PDE10A: variants seen among roughly 807,000 people sequenced by gnomAD.
PDE10A encodes cAMP and cAMP-inhibited cGMP 3',5'-cyclic phosphodiesterase 10A.
A neutral mutation model predicts 97.7 loss-of-function variants in PDE10A; 39 were observed. The observed-to-expected ratio is 0.40, with a 90% CI of 0.31 to 0.52. PDE10A has a LOEUF of 0.52. PDE10A is among the 20% of genes least tolerant of loss of function. The pLI is 0.56. For missense variants in PDE10A, 731 were observed against 1,047.8 expected (o/e 0.70, Z 4.17); for synonymous variants, 371 against 376.8 (o/e 0.98, Z 0.18).
At chr6:165,804,844 T>G (rs372460782) in intron 1 of PDE10A, among the ~76,000 whole-genome samples, 1 of 150,676 alleles carries the variant, frequency 6.6e-6, no homozygotes, top group East Asian at 2.0e-4. Flanking sequence ...CAGCTGCAGC[T>G]CCGAAGCTCC....
At position 165,653,953 on chromosome 6, in the gene PDE10A, G is replaced by A. The variant is rs561825747; in HGVS notation, c.865+7994C>T. ...CCTGACTTCTGGCTGCGCATCTTGA[G>A]CCTGGCGCCTCTGTCCAGGCTCTCT... On this transcript the variant is annotated intron_variant, in intron 1 of 21. Coordinates refer to ENST00000539869, the MANE Select transcript of PDE10A (RefSeq NM_001385079.1). Among the ~76,000 whole-genome samples the A allele has an allele frequency of 7.7e-4, 117 of 152,206 alleles. 1 individual carries two copies. The highest frequency in any genetic ancestry group is 2.0e-3 in the Admixed American group (31 of 15,300).
chr6:165,565,494 C>A (rs1266979891), intron 1 of PDE10A, among the ~76,000 whole-genome samples: 3 of 152,032 alleles, frequency 2.0e-5, no homozygotes, highest in African/African-American at 7.3e-5. Context: ...GATAGGAAGA[C>A]TCAATATTGT....
chr6:165,514,720 G>A (rs538343926), intron 2 of PDE10A, among the ~76,000 whole-genome samples: 3 of 152,356 alleles, frequency 2.0e-5, no homozygotes, highest in African/African-American at 7.2e-5. Flanking sequence ...TGCAACTGCA[G>A]AAGAGAAGCT....
chr6:165,388,172 T>C lies in PDE10A; in HGVS notation c.2610+126A>G. 1 of 748,786 alleles carries C rather than the reference T, an allele frequency of 1.3e-6. No individual in the cohort carries two copies. 46.4% of individuals were successfully genotyped at this position (748,786 alleles called of 1,614,324 possible). ...TTTAATGATGACTATAAATATAAGG[T>C]TCTACAATAAAAAGTAGCTGTTGCT... is the stretch of plus-strand genomic sequence containing the variant. On this transcript the variant is annotated intron_variant, in intron 17 of 21. Transcript: ENST00000539869. The surrounding 1 kb of genome is among the most constrained non-coding windows in gnomAD (Gnocchi z 4.0).
chr6:165,475,300 T>C (rs531266711), intron 3 of PDE10A, among the ~76,000 whole-genome samples: 27 of 152,268 alleles, frequency 1.8e-4, no homozygotes, highest in Non-Finnish European at 3.1e-4. Context: ...ATTTCTTAAA[T>C]GCATTAACAG....
At chr6:165,659,822 C>G (rs1246038624) in intron 1 of PDE10A, among the ~76,000 whole-genome samples, 1 of 152,158 alleles carries the variant, frequency 6.6e-6, no homozygotes, top group South Asian at 2.1e-4. Flanking sequence ...CTACGAATCC[C>G]GAGAGGACTC....
chr6:165,564,553 C>T lies in PDE10A; in HGVS notation c.866-20985G>A, dbSNP rs9459452. ...CCTGCCCCGGTATATTCTAAGACTACGGGGCATAGTAATAGCTACTGTAGA... is the reference window on the plus strand; with the variant it reads ...CCTGCCCCGGTATATTCTAAGACTATGGGGCATAGTAATAGCTACTGTAGA... On this transcript the variant is annotated intron_variant, in intron 1 of 21. Coordinates refer to ENST00000539869, the MANE Select transcript of PDE10A (RefSeq NM_001385079.1). Among the ~76,000 whole-genome samples the T allele has an allele frequency of 1.2e-3, 179 of 152,248 alleles. 3 individuals are homozygous for T. The highest frequency in any genetic ancestry group is 3.9e-3 in the African/African-American group (161 of 41,538).
Position 165,822,152 on chromosome 6 carries a change from G to GCGGTTGTA in PDE10A, c.-615+165369_-615+165376dup, listed in dbSNP as rs200309968. ...CATATTCTGAGAAATGTGTCCTTTGGCGGTTGTATCCTTGTGCGAACATAA... is the reference window on the plus strand; with the variant it reads ...CATATTCTGAGAAATGTGTCCTTTGGCGGTTGTACGGTTGTATCCTTGTGCGAACATAA... On this transcript the variant is annotated intron_variant, in intron 1 of 19. Transcript: ENST00000366882. 8.7e-4 allele frequency among the ~76,000 whole-genome samples: 133 copies of GCGGTTGTA among 152,298 alleles called. 1 individual carries two copies. In the East Asian group the frequency reaches 0.023, roughly 26 times the overall value.
At chr6:165,350,062 G>C (rs1389814349) in intron 18 of PDE10A, among the ~76,000 whole-genome samples, 2 of 152,220 alleles carry the variant, frequency 1.3e-5, no homozygotes, top group African/African-American at 2.4e-5. Flanking sequence ...CATTGGGGCA[G>C]TGCCTTGTGG....
At chr6:165,720,883 A>T (rs2128448467) in intron 1 of PDE10A, among the ~76,000 whole-genome samples, 1 of 152,322 alleles carries the variant, frequency 6.6e-6, no homozygotes, top group South Asian at 2.1e-4. Context: ...TTTTGTTCTC[A>T]ACTCAGAGGT....
intron 1 of PDE10A, among the ~76,000 whole-genome samples, chr6:165,822,104 C>T (rs140934563): frequency 1.8e-4 from 27 of 152,342 alleles, no homozygotes; most frequent in South Asian, 4.1e-4. Flanking sequence ...TAAATACAAT[C>T]GTCAGTTGCT....
intron 1 of PDE10A, among the ~76,000 whole-genome samples, chr6:165,785,531 T>C (rs992453397): frequency 1.3e-5 from 2 of 152,228 alleles, no homozygotes; most frequent in Non-Finnish European, 1.5e-5. Context: ...TTGTTATCGT[T>C]ATGCTTTTGT....
At chr6:165,616,099 A>G (rs1371800598) in intron 1 of PDE10A, among the ~76,000 whole-genome samples, 1 of 152,016 alleles carries the variant, frequency 6.6e-6, no homozygotes, top group Non-Finnish European at 1.5e-5. Flanking sequence ...TTCCTTTTCA[A>G]GTTCACAGAA....
chr6:165,501,572 C>CA lies in PDE10A; in HGVS notation c.995-19230dup, dbSNP rs1418840694. On this transcript the variant is annotated intron_variant, in intron 2 of 21. Coordinates refer to ENST00000539869, the MANE Select transcript of PDE10A (RefSeq NM_001385079.1). The stretch of plus-strand genomic sequence containing the variant: ...TGGATGAAAGGGCGAGACTCCGTCT[C>CA]AAAAAAAAAAAAAAAGTCCTGAGGA... Among the ~76,000 whole-genome samples the CA allele has an allele frequency of 5.2e-3, 505 of 97,414 alleles. 1 individual carries two copies. Among genetic ancestry groups the CA allele is most frequent in the Admixed American group, 0.014 (127 of 9,366 alleles). 63.9% of individuals were successfully genotyped at this position (97,414 alleles called of 152,430 possible).
At chr6:165,760,857 A>T (rs1562722758) in intron 1 of PDE10A, among the ~76,000 whole-genome samples, 1 of 152,190 alleles carries the variant, frequency 6.6e-6, no homozygotes, top group Non-Finnish European at 1.5e-5. Flanking sequence ...AATTTGTAGC[A>T]GCTCCAACTG....
intron 1 of PDE10A, among the ~76,000 whole-genome samples, chr6:165,718,644 CT>C (rs1792086970): frequency 6.6e-6 from 1 of 151,852 alleles, no homozygotes; most frequent in South Asian, 2.1e-4. Flanking sequence ...GAACCCCCAC[CT>C]TTTCCCCCCG....
At chr6:165,839,893 C>G (rs1241261529) in intron 1 of PDE10A, among the ~76,000 whole-genome samples, 17 of 4,774 alleles carry the variant, frequency 3.6e-3, no homozygotes, top group Non-Finnish European at 4.4e-3. Context: ...GTCTCCATCC[C>G]CATTCCCATC....
chr6:165,751,594 A>G (rs1377425029), intron 1 of PDE10A, among the ~76,000 whole-genome samples: 1 of 152,086 alleles, frequency 6.6e-6, no homozygotes, highest in Non-Finnish European at 1.5e-5. Context: ...TCTGGTCACA[A>G]CCCTGCTGAC....
chr6:165,912,047 ATCTC>A (rs1463438137), intron 1 of PDE10A, among the ~76,000 whole-genome samples: 43 of 150,892 alleles, frequency 2.8e-4, no homozygotes, highest in Admixed American at 2.0e-3. Context: ...ATCTATCTCT[ATCTC>A]TATTATCTGT....
Sources: allele counts gnomAD v4.1 joint callset (sites outside exome capture counted in the v4.1 genomes callset), GRCh38; gene constraint gnomAD v4.1.1; non-coding constraint Gnocchi (gnomAD v3.1); transcripts MANE v1.5; gene names NCBI Gene and HGNC (gene_info 2026-07-23, HGNC 2026-07-21).